SPOCK3: variants seen among roughly 807,000 people sequenced by gnomAD.
SPOCK3 encodes SPARC (osteonectin), cwcv and kazal like domains proteoglycan 3, also known as testican-3.
In SPOCK3, 30 loss-of-function variants were observed where a neutral mutation model predicts 56.6. The ratio of observed to expected loss-of-function variants is 0.53; its 90% CI spans 0.40 to 0.72. The LOEUF is 0.72. Among genes scored for constraint, SPOCK3 ranks in the 30% least tolerant of loss-of-function variants. The pLI is 0.00. For synonymous variants in SPOCK3, 196 were observed against 183.3 expected (o/e 1.07, Z -0.56); for missense variants, 527 against 530.0 (o/e 0.99, Z 0.06).
chr4:166,935,913 A>C (rs535936198), intron 4 of SPOCK3, among the ~76,000 whole-genome samples: 1 of 152,334 alleles, frequency 6.6e-6, no homozygotes. Context: ...ATAATAAAAA[A>C]TGATCATGAT....
chr4:167,109,592 A>ATG (rs1379073319), intron 2 of SPOCK3, among the ~76,000 whole-genome samples: 5 of 137,770 alleles, frequency 3.6e-5, no homozygotes, highest in Non-Finnish European at 7.7e-5. Context: ...TTATATATAT[A>ATG]TATAGTATGT....
intron 4 of SPOCK3, among the ~76,000 whole-genome samples, chr4:166,961,261 A>C (rs905508918): frequency 1.3e-5 from 2 of 151,490 alleles, no homozygotes; most frequent in Admixed American, 6.6e-5. Flanking sequence ...AAAAAAAAAA[A>C]CTGCAAAATT....
chr4:167,136,198 A>G (rs1021588193), intron 2 of SPOCK3, among the ~76,000 whole-genome samples: 1 of 152,086 alleles, frequency 6.6e-6, no homozygotes, highest in South Asian at 2.1e-4. Flanking sequence ...TAAGGCCTCA[A>G]TGTAATTCTC....
At chr4:167,126,151 A>C (rs1762260454) in intron 2 of SPOCK3, among the ~76,000 whole-genome samples, 1 of 152,226 alleles carries the variant, frequency 6.6e-6, no homozygotes, top group African/African-American at 2.4e-5. Flanking sequence ...CAGTCTGCCC[A>C]AACTCTTAAC....
At chr4:167,065,511 C>T (rs955415843) in intron 2 of SPOCK3, among the ~76,000 whole-genome samples, 1 of 151,790 alleles carries the variant, frequency 6.6e-6, no homozygotes, top group Non-Finnish European at 1.5e-5. Context: ...AATTGTAAAA[C>T]ATGAACTTGG....
intron 2 of SPOCK3, among the ~76,000 whole-genome samples, chr4:167,133,938 T>C (rs1212950682): frequency 2.0e-5 from 3 of 151,960 alleles, no homozygotes; most frequent in Non-Finnish European, 4.4e-5. Flanking sequence ...CACAGTCAAC[T>C]ACTACAAAAA....
At chr4:166,999,530 C>A (rs1386012671) in intron 4 of SPOCK3, among the ~76,000 whole-genome samples, 2 of 152,034 alleles carry the variant, frequency 1.3e-5, no homozygotes, top group Non-Finnish European at 2.9e-5. Flanking sequence ...TGAGCACACA[C>A]AAATAGCAAA....
chr4:167,101,317 A>G (rs760949620), intron 2 of SPOCK3, among the ~76,000 whole-genome samples: 1 of 151,852 alleles, frequency 6.6e-6, no homozygotes, highest in Non-Finnish European at 1.5e-5. Flanking sequence ...CTTTCTCCCT[A>G]ATTATAACCT....
chr4:166,935,765 GTAATTCCATTAAC>G (rs1256950697), intron 4 of SPOCK3, among the ~76,000 whole-genome samples: 1 of 152,208 alleles, frequency 6.6e-6, no homozygotes, highest in Admixed American at 6.5e-5. Flanking sequence ...TAGTTAGGAA[GTAATTCCATTAAC>G]ACAGGCAAGA....
intron 2 of SPOCK3, among the ~76,000 whole-genome samples, chr4:167,109,159 T>C (rs1320054911): frequency 5.3e-4 from 3 of 5,714 alleles, no homozygotes; most frequent in African/African-American, 9.2e-4. Flanking sequence ...ATATAAATAT[T>C]ATATATTTAT....
intron 2 of SPOCK3, among the ~76,000 whole-genome samples, chr4:167,150,641 T>C (rs1254340536): frequency 6.6e-6 from 1 of 152,070 alleles, no homozygotes; most frequent in Non-Finnish European, 1.5e-5. Context: ...ATCACTATAG[T>C]GGTATGTGTG....
intron 6 of SPOCK3, among the ~76,000 whole-genome samples, chr4:166,846,108 G>A (rs1266418947): frequency 6.6e-6 from 1 of 152,074 alleles, no homozygotes; most frequent in South Asian, 2.1e-4. Context: ...TAGGAAATAA[G>A]AATATTTCAG....
chr4:167,133,653 C>G (rs1762872075), intron 2 of SPOCK3, among the ~76,000 whole-genome samples: 1 of 152,158 alleles, frequency 6.6e-6, no homozygotes, highest in Non-Finnish European at 1.5e-5. Context: ...TCTTACTTAA[C>G]TTGGGTTTAA....
chr4:167,039,108 C>T (rs1332717438), intron 3 of SPOCK3, among the ~76,000 whole-genome samples: 1 of 152,176 alleles, frequency 6.6e-6, no homozygotes, highest in East Asian at 1.9e-4. Flanking sequence ...TCTGTCCTAG[C>T]TTCCCGGGCT....
chr4:166,768,572 G>T (rs1302122998), intron 7 of SPOCK3, among the ~76,000 whole-genome samples: 1 of 151,970 alleles, frequency 6.6e-6, no homozygotes, highest in East Asian at 1.9e-4. Flanking sequence ...AGTCTGATGG[G>T]TTTCCCTTTG....
intron 2 of SPOCK3, among the ~76,000 whole-genome samples, chr4:167,159,828 T>C (rs1765129640): frequency 6.6e-6 from 1 of 152,026 alleles, no homozygotes; most frequent in Non-Finnish European, 1.5e-5. Flanking sequence ...AGGCCTTCAA[T>C]AAAATTCAAC....
chr4:166,754,837 G>C (rs1736866043), intron 7 of SPOCK3, 108 bp from the exon 8 acceptor site: 4 of 913,530 alleles, frequency 4.4e-6, no homozygotes, highest in Non-Finnish European at 6.7e-6. Flanking sequence ...CTAATGAATA[G>C]TTAGAGAAGT....
At chr4:167,042,690 T>A (rs868474339) in intron 3 of SPOCK3, among the ~76,000 whole-genome samples, 1 of 152,062 alleles carries the variant, frequency 6.6e-6, no homozygotes, top group South Asian at 2.1e-4. Context: ...AAACAATAAA[T>A]CCCTCTTAAG....
chr4:166,953,452 T>A (rs1374403996), intron 4 of SPOCK3, among the ~76,000 whole-genome samples: 2 of 151,100 alleles, frequency 1.3e-5, no homozygotes, highest in African/African-American at 4.9e-5. Context: ...CTGGAGAGGA[T>A]GTGGAGAAAT....
Sources: allele counts gnomAD v4.1 joint callset (sites outside exome capture counted in the v4.1 genomes callset), GRCh38; gene constraint gnomAD v4.1.1; transcripts MANE v1.5; gene names NCBI Gene and HGNC (gene_info 2026-07-23, HGNC 2026-07-21).